The following CMYA5 variants were observed in gnomAD, a reference collection of about 807,000 sequenced individuals.
CMYA5 encodes the protein cardiomyopathy associated 5.
Under a neutral mutation model 318.9 loss-of-function variants are expected in CMYA5, and 246 were observed. That is an observed-to-expected ratio of 0.77 (90% CI 0.70 to 0.86). CMYA5 has a LOEUF of 0.86. CMYA5 is among the 40% of genes least tolerant of loss of function. The pLI is 0.00. For synonymous variants in CMYA5, 1,641 were observed against 1,729.5 expected, an observed-to-expected ratio of 0.95 and a Z score of 1.27; for missense variants, 4,589 against 4,678.2, an observed-to-expected ratio of 0.98 and a Z score of 0.56.
intron 1 of CMYA5, among the ~76,000 whole-genome samples, chr5:79,711,890 C>T (rs1283189290): frequency 1.3e-5 from 2 of 152,116 alleles, no homozygotes; most frequent in Non-Finnish European, 2.9e-5. Context: ...TTGAAGAGAA[C>T]GTGTATGGTT....
chr5:79,795,492 G>T (rs1580811701), intron 12 of CMYA5, among the ~76,000 whole-genome samples: 1 of 152,090 alleles, frequency 6.6e-6, no homozygotes, highest in South Asian at 2.1e-4. Context: ...CTAGCTCAAG[G>T]CTTCCGCACC....
At chr5:79,787,018 G>A (rs1422525721) in intron 9 of CMYA5, among the ~76,000 whole-genome samples, 1 of 152,146 alleles carries the variant, frequency 6.6e-6, no homozygotes, top group Non-Finnish European at 1.5e-5. Flanking sequence ...CTTTAAATGA[G>A]CAATGAGACA....
In CMYA5 at chr5:79,737,540, A is replaced by G; in HGVS notation, c.8775A>G (p.Glu2925=). The change falls in exon 2 of 13, where the codon GAA becomes GAG. Residue 2925 remains glutamate, a synonymous_variant. Transcript: ENST00000446378. ...KEPEDTYAKG[E]DFTVTSKPAG... is the part of the protein sequence containing the mutation. ...CTGAAGACACATATGCAAAAGGTGAAGACTTTACAGTGACTAGTAAGCCAG... is the reference window on the plus strand; with the variant it reads ...CTGAAGACACATATGCAAAAGGTGAGGACTTTACAGTGACTAGTAAGCCAG... The G allele has an allele frequency of 6.2e-7, 1 of 1,613,462 alleles. No individual in the cohort carries two copies. Among genetic ancestry groups the G allele is most frequent in the Non-Finnish European group, 8.5e-7 (1 of 1,179,722 alleles).
chr5:79,726,720 C>G (rs908814385), intron 1 of CMYA5, among the ~76,000 whole-genome samples: 2 of 152,098 alleles, frequency 1.3e-5, no homozygotes, highest in Non-Finnish European at 2.9e-5. Context: ...ACCAGGATCT[C>G]AGGACAGCCA....
chr5:79,732,423 GTA>G lies in CMYA5; in HGVS notation c.3660_3661del (p.Ser1221ThrfsTer16). On this transcript the variant is annotated frameshift_variant, in exon 2 of 13. Transcript: ENST00000446378. LOFTEE classifies it high-confidence loss of function. ...TGATTCTCAAGAAGCTACAGCACAT[GTA>G]TCACAGGATCAAAAAATGGAGCCTC... is the stretch of plus-strand genomic sequence containing the variant. ...VPDSQEATAHVSQDQKMEPQP... is the reference protein window; with the variant it reads ...VPDSQEATAHXSQDQKMEPQP... The G allele has an allele frequency of 1.2e-6, 2 of 1,613,680 alleles. No individual in the cohort carries two copies. Among genetic ancestry groups the G allele is most frequent in the Non-Finnish European group, 1.7e-6 (2 of 1,179,774 alleles).
intron 5 of CMYA5, among the ~76,000 whole-genome samples, chr5:79,750,101 G>A (rs1169067644): frequency 6.6e-6 from 1 of 151,812 alleles, no homozygotes; most frequent in Non-Finnish European, 1.5e-5. Flanking sequence ...GATCCTGGAT[G>A]TGCTCCCCAG....
chr5:79,768,632 C>G (rs898097469), intron 9 of CMYA5, among the ~76,000 whole-genome samples: 1 of 152,184 alleles, frequency 6.6e-6, no homozygotes, highest in Admixed American at 6.5e-5. Context: ...CCCACTCTCT[C>G]CTGGCTTGTA....
chr5:79,706,136 C>G (rs551470648), intron 1 of CMYA5, among the ~76,000 whole-genome samples: 1 of 152,048 alleles, frequency 6.6e-6, no homozygotes, highest in Non-Finnish European at 1.5e-5. Flanking sequence ...GCCTTCTGGT[C>G]CTGCGATGCT....
intron 1 of CMYA5, among the ~76,000 whole-genome samples, chr5:79,725,476 G>A (rs1827729076): frequency 6.6e-6 from 1 of 152,152 alleles, no homozygotes; most frequent in Admixed American, 6.5e-5. Context: ...TGGGGAGGAG[G>A]GAGGGGTAAG....
intron 1 of CMYA5, among the ~76,000 whole-genome samples, chr5:79,716,789 C>T (rs1035880): frequency 0.43 from 64,847 of 151,950 alleles, 14,452 homozygotes; most frequent in East Asian, 0.59. Context: ...GTTTGTTTTA[C>T]GGTGGAGCTA....
chr5:79,763,111 C>A lies in CMYA5; in HGVS notation c.11457C>A (p.Asn3819Lys). 1 of 1,613,682 alleles carries A rather than the reference C, an allele frequency of 6.2e-7. No homozygotes were observed. The highest frequency in any genetic ancestry group is 8.5e-7 in the Non-Finnish European group (1 of 1,179,858). ...IRAEDCTVCWNTATIRWRPTT... is the reference protein window; with the variant it reads ...IRAEDCTVCWKTATIRWRPTT... The stretch of plus-strand genomic sequence containing the variant: ...CTGAGGACTGTACTGTGTGTTGGAA[C>A]ACAGCCACTATCCGATGGCGGCCCA... The change falls in exon 9 of 13, where the codon AAC (asparagine) becomes AAA (lysine). Residue 3819 changes from asparagine to lysine, a missense_variant. Physicochemically the swap from Asn to Lys is moderately conservative, Grantham distance 94. Around this residue, in one of 3 missense-constraint regions of CMYA5, gnomAD observed 2,431 missense variants for 2,495.1 expected, o/e 0.97. Transcript: ENST00000446378.
chr5:79,700,749 A>G (rs1474622266), intron 1 of CMYA5, among the ~76,000 whole-genome samples: 2 of 152,212 alleles, frequency 1.3e-5, no homozygotes, highest in African/African-American at 4.8e-5. Flanking sequence ...AAATTCTATC[A>G]TTTGCAGAGA....
At chr5:79,716,389 G>T (rs902071751) in intron 1 of CMYA5, among the ~76,000 whole-genome samples, 3 of 152,186 alleles carry the variant, frequency 2.0e-5, no homozygotes, top group Admixed American at 6.5e-5. Flanking sequence ...AGGCTGTGAA[G>T]AACCACAGCC....
chr5:79,708,066 A>G lies in CMYA5; in HGVS notation c.149+18010A>G, dbSNP rs549284870. ...TAATCATCTCCTAATGACCCCAGCTATTAATACTATCACATTAGTGATTAT... is the reference window on the plus strand; with the variant it reads ...TAATCATCTCCTAATGACCCCAGCTGTTAATACTATCACATTAGTGATTAT... On this transcript the variant is annotated intron_variant, in intron 1 of 12. Transcript: ENST00000446378. Among the ~76,000 whole-genome samples the G allele has an allele frequency of 5.9e-5, 9 of 152,326 alleles. No individual in the cohort carries two copies. The South Asian group carries it at 1.2e-3, about 21-fold the overall frequency.
intron 2 of CMYA5, among the ~76,000 whole-genome samples, 181 bp downstream of exon 2, chr5:79,739,584 A>ATTGAGTACAGCCCACCCTCCTTATCC (rs748791380): frequency 2.0e-5 from 3 of 152,198 alleles, no homozygotes; most frequent in Non-Finnish European, 4.4e-5. Flanking sequence ...ACAGACATTC[A>ATTGAGTACAGCCCACCCTCCTTATCC]TTGAGTACAG....
In CMYA5 at chr5:79,734,157, A is replaced by AATTCATC. The variant is rs1394417182; in HGVS notation, c.5393_5399dup (p.Gln1801PhefsTer18). 2 of 1,613,710 alleles carry AATTCATC rather than the reference A, an allele frequency of 1.2e-6. No individual in the cohort carries two copies. The highest frequency in any genetic ancestry group is 1.7e-6 in the Non-Finnish European group (2 of 1,179,830). On this transcript the variant is annotated frameshift_variant, in exon 2 of 13. Coordinates refer to ENST00000446378, the MANE Select transcript of CMYA5 (RefSeq NM_153610.5). LOFTEE classifies it high-confidence loss of function. Reference sequence around the variant, plus strand: ...GCTAAGTGAAGAAACAGGCCACCCAAATTCATCCCAGGTACTCCAGAGTAT... The same window carrying AATTCATC: ...GCTAAGTGAAGAAACAGGCCACCCAAATTCATCATTCATCCCAGGTACTCCAGAGTAT...
At chr5:79,762,919 T>G in intron 8 of CMYA5, 143 bp from the exon 9 acceptor site, 1 of 875,026 alleles carries the variant, frequency 1.1e-6, no homozygotes, top group Non-Finnish European at 1.7e-6. Context: ...TTTGATCCCT[T>G]TTGGGTTTTT....
intron 12 of CMYA5, among the ~76,000 whole-genome samples, chr5:79,794,415 T>A (rs1020271447): frequency 6.6e-6 from 1 of 152,214 alleles, no homozygotes; most frequent in East Asian, 1.9e-4. Flanking sequence ...ATCAGGCAGG[T>A]ATATTATGAT....
At position 79,737,637 on chromosome 5, in the gene CMYA5, G is replaced by T. The variant is rs191897488; in HGVS notation, c.8872G>T (p.Ala2958Ser). 1,533 of 1,613,542 alleles carry T rather than the reference G, an allele frequency of 9.5e-4. 3 individuals carry two copies. Among genetic ancestry groups the T allele is most frequent in the East Asian group, 3.9e-3 (173 of 44,858 alleles). ...SEGCEILNIH[A>S]PAFISSIDQE... Reference sequence around the variant, plus strand: ...AGGCTGTGAGATATTGAATATTCATGCTCCGGCCTTTATTTCTTCAATCGA... The same window carrying T: ...AGGCTGTGAGATATTGAATATTCATTCTCCGGCCTTTATTTCTTCAATCGA... Residue 2958 changes from alanine (A) to serine (S), a missense_variant, in exon 2 of 13, where the codon GCT (alanine) becomes TCT (serine). By Grantham distance (99) the Ala-to-Ser change is moderately conservative. Transcript: ENST00000446378.
Sources: gnomAD v4.1 joint callset for allele counts (sites outside exome capture counted in the v4.1 genomes callset) on GRCh38, gnomAD v4.1.1 for gene constraint, gnomAD v4.1.1 regional missense constraint, MANE v1.5 for transcripts, NCBI Gene and HGNC (gene_info 2026-07-23, HGNC 2026-07-21) for gene names.